Variants in DCC observed in about 807,000 individuals in gnomAD.
DCC encodes DCC netrin 1 receptor, also known as netrin receptor DCC.
In DCC, 58 loss-of-function variants were observed where a neutral mutation model predicts 172.5. That is an observed-to-expected ratio of 0.34 (90% CI 0.27 to 0.42). DCC has a LOEUF of 0.42. Ranked by LOEUF, DCC falls within the 10% of genes least tolerant of loss-of-function variation. The pLI, the probability that DCC is intolerant of heterozygous loss-of-function variation, is 1.00. For synonymous variants in DCC, 709 were observed against 644.5 expected, an observed-to-expected ratio of 1.10 and a Z score of -1.52; for missense variants, 1,740 against 1,791.0, an observed-to-expected ratio of 0.97 and a Z score of 0.51.
chr18:52,503,030 G>A (rs935922966), intron 1 of DCC, among the ~76,000 whole-genome samples: 18 of 152,172 alleles, frequency 1.2e-4, no homozygotes, highest in African/African-American at 4.3e-4. Context: ...CTGCTCAGAA[G>A]GGCCTATTAT....
chr18:53,227,537 C>T (rs929314734), intron 12 of DCC, among the ~76,000 whole-genome samples: 1 of 152,158 alleles, frequency 6.6e-6, no homozygotes, highest in African/African-American at 2.4e-5. Flanking sequence ...ATCATCTTCA[C>T]GTTTCCCTAG....
chr18:52,580,092 C>G (rs947511723), intron 1 of DCC, among the ~76,000 whole-genome samples: 3 of 152,336 alleles, frequency 2.0e-5, no homozygotes, highest in African/African-American at 7.2e-5. Flanking sequence ...AATCACGACC[C>G]GCACTCTTAG....
At chr18:52,871,871 C>A (rs957155964) in intron 2 of DCC, among the ~76,000 whole-genome samples, 2 of 152,156 alleles carry the variant, frequency 1.3e-5, no homozygotes, top group African/African-American at 4.8e-5. Context: ...TCTCATTAAT[C>A]AAGATTTTGC....
At chr18:52,860,448 T>TA (rs2039122952) in intron 2 of DCC, among the ~76,000 whole-genome samples, 1 of 152,176 alleles carries the variant, frequency 6.6e-6, no homozygotes, top group Non-Finnish European at 1.5e-5. Context: ...AGCCAGGAAG[T>TA]AATTCAGGAT....
At chr18:53,301,176 A>C (rs1029805591) in intron 12 of DCC, among the ~76,000 whole-genome samples, 1 of 144,580 alleles carries the variant, frequency 6.9e-6, no homozygotes, top group African/African-American at 2.6e-5. Flanking sequence ...TGCAACCTCC[A>C]CCTTCCGGGT....
intron 1 of DCC, among the ~76,000 whole-genome samples, chr18:52,369,558 C>CT (rs1304800840): frequency 6.6e-6 from 1 of 152,000 alleles, no homozygotes; most frequent in Non-Finnish European, 1.5e-5. Context: ...TCACCAAACA[C>CT]TTTGCAAATG....
intron 2 of DCC, among the ~76,000 whole-genome samples, chr18:52,821,756 C>T (rs545374140): frequency 3.3e-5 from 5 of 152,288 alleles, no homozygotes; most frequent in Middle Eastern, 3.4e-3. Flanking sequence ...TGCCCTTCTC[C>T]ATCACTAAAA....
intron 2 of DCC, among the ~76,000 whole-genome samples, chr18:52,791,124 C>T (rs1335588812): frequency 6.6e-6 from 1 of 152,138 alleles, no homozygotes; most frequent in Admixed American, 6.5e-5. Context: ...TCAATGGCTG[C>T]CTCAAATGGT....
intron 1 of DCC, among the ~76,000 whole-genome samples, chr18:52,539,903 C>A (rs897004465): frequency 1.6e-4 from 24 of 151,926 alleles, no homozygotes; most frequent in East Asian, 5.8e-4. Flanking sequence ...ACAACAACAA[C>A]AAAAAAACCC....
chr18:53,439,913 C>G (rs1043644025), intron 22 of DCC, among the ~76,000 whole-genome samples: 1 of 150,608 alleles, frequency 6.6e-6, no homozygotes, highest in South Asian at 2.1e-4. Flanking sequence ...TACAGGCGCC[C>G]GCCACTACGC....
chr18:52,410,453 C>T lies in DCC; in HGVS notation c.91+69575C>T, dbSNP rs373033440. ...TTTGTAAGGCAAAACAAAACAACAA[C>T]AACAACTGTATGAAAAGTTTTGGTG... On this transcript the variant is annotated intron_variant, in intron 1 of 28. Transcript: ENST00000442544. Among the ~76,000 whole-genome samples the T allele has an allele frequency of 1.2e-4, 19 of 152,208 alleles. No individual in the cohort carries two copies. The East Asian group carries it at 2.5e-3, about 20-fold the overall frequency.
At chr18:52,895,574 C>A (rs893581703) in intron 2 of DCC, among the ~76,000 whole-genome samples, 4 of 151,928 alleles carry the variant, frequency 2.6e-5, no homozygotes, top group African/African-American at 9.7e-5. Flanking sequence ...ATAATTTTCG[C>A]TCATTTAAAA....
rs192383464 is a variant in DCC at position 52,485,587 on chromosome 18, T to A, written c.91+144709T>A. Among the ~76,000 whole-genome samples, 595 of 152,172 alleles carry A rather than the reference T, an allele frequency of 3.9e-3. 2 individuals are homozygous for A. The highest frequency in any genetic ancestry group is 0.037 in the Middle Eastern group (11 of 294). On this transcript the variant is annotated intron_variant, in intron 1 of 28. Coordinates refer to ENST00000442544, the MANE Select transcript of DCC (RefSeq NM_005215.4). The stretch of plus-strand genomic sequence containing the variant: ...AGCTTTTATCCACTCCCCACCCCAA[T>A]TACAAAATACAGGAGAGCAAATGGC...
rs372009200 is a variant in DCC at position 52,781,186 on chromosome 18, T to C, written c.412+28812T>C. Among the ~76,000 whole-genome samples, 25 of 152,282 alleles carry C rather than the reference T, an allele frequency of 1.6e-4. No homozygotes were observed. In the East Asian group the frequency reaches 2.3e-3, roughly 14 times the overall value. On this transcript the variant is annotated intron_variant, in intron 2 of 28. Coordinates refer to ENST00000442544, the MANE Select transcript of DCC (RefSeq NM_005215.4). ...GGAAACCTAGCAGAGCCTGGCTGTT[T>C]GAATTCTTCTTGGTTTCATTGTGTT...
At chr18:53,284,180 A>G (rs186429675) in intron 12 of DCC, among the ~76,000 whole-genome samples, 5 of 152,256 alleles carry the variant, frequency 3.3e-5, no homozygotes, top group East Asian at 1.9e-4. Context: ...TTTGCCCTGT[A>G]GTTCTGTTAT....
At chr18:52,926,276 T>C (rs947551456) in intron 5 of DCC, among the ~76,000 whole-genome samples, 2 of 151,928 alleles carry the variant, frequency 1.3e-5, no homozygotes, top group Non-Finnish European at 2.9e-5. Flanking sequence ...CCATTTTGCT[T>C]TTTGTCTTCA....
intron 1 of DCC, among the ~76,000 whole-genome samples, chr18:52,741,910 A>G (rs747301237): frequency 5.3e-5 from 8 of 152,148 alleles, no homozygotes; most frequent in Non-Finnish European, 8.8e-5. Flanking sequence ...CTCCAATGTT[A>G]TAGTATTAAG....
At chr18:53,263,278 A>G (rs1445895647) in intron 12 of DCC, among the ~76,000 whole-genome samples, 4 of 152,052 alleles carry the variant, frequency 2.6e-5, no homozygotes, top group African/African-American at 9.7e-5. Context: ...CAGCCTCCGG[A>G]GTAGCCGGGA....
At chr18:52,652,747 G>A (rs1162557636) in intron 1 of DCC, among the ~76,000 whole-genome samples, 2 of 68,448 alleles carry the variant, frequency 2.9e-5, no homozygotes, top group African/African-American at 9.8e-5. Context: ...TGTGGGTGGA[G>A]GAGGAGTGGT....
Sources: allele counts gnomAD v4.1 joint callset (sites outside exome capture counted in the v4.1 genomes callset), GRCh38; gene constraint gnomAD v4.1.1; transcripts MANE v1.5; gene names NCBI Gene and HGNC (gene_info 2026-07-23, HGNC 2026-07-21).